TJAP1: variants seen among roughly 807,000 people sequenced by gnomAD.
TJAP1 encodes tight junction-associated protein 1.
In TJAP1, 27 loss-of-function variants were observed where a neutral mutation model predicts 42.0. That is an observed-to-expected ratio of 0.64 (90% CI 0.47 to 0.89). TJAP1 has a LOEUF of 0.89. TJAP1 is among the 40% of genes least tolerant of loss of function. TJAP1 has a pLI of 0.00. For synonymous variants in TJAP1, 257 were observed against 288.4 expected, an observed-to-expected ratio of 0.89 and a Z score of 1.10; for missense variants, 712 against 726.9, an observed-to-expected ratio of 0.98 and a Z score of 0.24.
At chr6:43,504,912 T>C (rs1791923696) in exon 11 of TJAP1, 10 of 1,613,998 alleles carry the variant, frequency 6.2e-6, no homozygotes, top group Non-Finnish European at 8.5e-6. Flanking sequence ...TCTCTACTGC[T>C]CAATTCAGCC....
chr6:43,500,852 G>A, intron 5 of TJAP1, 80 bp downstream of exon 5: 2 of 1,544,532 alleles, frequency 1.3e-6, no homozygotes, highest in Non-Finnish European at 9.0e-7. Context: ...GGTACAGTTG[G>A]ACTTTCCCTT....
intron 1 of TJAP1, 145 bp from the exon 2 acceptor site, chr6:43,477,942 G>A (rs1784552628): frequency 6.5e-6 from 1 of 152,674 alleles, no homozygotes; most frequent in Non-Finnish European, 1.5e-5. Flanking sequence ...CCTGGAGCGT[G>A]GGATAGAGGC....
intron 5 of TJAP1, 63 bp from the exon 6 acceptor site, chr6:43,501,463 C>T (rs1046831408): frequency 4.7e-6 from 7 of 1,486,514 alleles, no homozygotes; most frequent in Non-Finnish European, 6.4e-6. Flanking sequence ...CACTCTGGAG[C>T]TCCAGGGCAT....
chr6:43,505,317 CT>C lies in TJAP1; in HGVS notation c.1137del (p.Ala380ProfsTer16). 6.2e-7 allele frequency: 1 copy of C among 1,610,412 alleles called. No homozygotes were observed. The highest frequency in any genetic ancestry group is 8.5e-7 in the Non-Finnish European group (1 of 1,179,628). The stretch of plus-strand genomic sequence containing the variant: ...CGCCCCAGCCCAGTGCCCAGCACCC[CT>C]GCCTCAGCCCAGGCCTCACCCCACC... On this transcript the variant is annotated frameshift_variant, in exon 11 of 11. Coordinates refer to ENST00000372449, the Ensembl canonical transcript of TJAP1. LOFTEE classifies it low-confidence loss of function (END_TRUNC). This position sits in a 1 kb window ranked among gnomAD's most constrained non-coding sequence, Gnocchi z 5.5.
rs752379266 is a variant in TJAP1, at chr6:43,491,053, CAG to C, written c.-121-6827_-121-6826del. ...GCAGTGTGGTGCTAGGGAGGCTGGACAGGGGGAGCTTGAGAACAGAAGGCTGC... is the reference window on the plus strand; with the variant it reads ...GCAGTGTGGTGCTAGGGAGGCTGGACGGGGAGCTTGAGAACAGAAGGCTGC... On this transcript the variant is annotated intron_variant, in intron 2 of 10. Coordinates refer to ENST00000372449, the Ensembl canonical transcript of TJAP1. This position sits in a 1 kb window ranked among gnomAD's most constrained non-coding sequence, Gnocchi z 4.6. 1.1e-4 allele frequency among the ~76,000 whole-genome samples: 16 copies of C among 152,258 alleles called. No homozygotes were observed. The highest frequency in any genetic ancestry group is 1.3e-4 in the Admixed American group (2 of 15,294).
At chr6:43,500,668 G>C in intron 4 of TJAP1, 76 bp from the exon 5 acceptor site, 7 of 1,556,710 alleles carry the variant, frequency 4.5e-6, no homozygotes, top group Admixed American at 1.7e-5. Flanking sequence ...GAGCCTTCTT[G>C]TGGCTATTTG....
At position 43,505,222 on chromosome 6, in the gene TJAP1, G is replaced by A. The variant is rs753742718; in HGVS notation, c.1041G>A (p.Leu347=). The A allele has an allele frequency of 3.1e-6, 5 of 1,614,062 alleles. No homozygotes were observed. Among genetic ancestry groups the A allele is most frequent in the Non-Finnish European group, 4.2e-6 (5 of 1,180,010 alleles). ...TTCGGATCCCCCGCAACAGCCCCCT[G>A]CCCAACTGCACTTACGCTACCCGCC... Residue 347 remains leucine (L), a synonymous_variant, in exon 11 of 11, where the codon CTG becomes CTA. Transcript: ENST00000372449. The surrounding 1 kb of genome is among the most constrained non-coding windows in gnomAD (Gnocchi z 5.5).
intron 4 of TJAP1, 79 bp downstream of exon 4, chr6:43,499,179 T>C: frequency 6.4e-7 from 1 of 1,573,384 alleles, no homozygotes; most frequent in Admixed American, 1.8e-5. Flanking sequence ...TTCTCCTGCC[T>C]GAGCTTCTGG....
At chr6:43,500,699 T>A (rs1426845836) in intron 4 of TJAP1, 45 bp from the exon 5 acceptor site, 1 of 1,613,334 alleles carries the variant, frequency 6.2e-7, no homozygotes, top group Admixed American at 1.7e-5. Context: ...CAGCCGGGGG[T>A]CCAGTGGTCC....
At chr6:43,499,922 C>G (rs916532839) in intron 4 of TJAP1, among the ~76,000 whole-genome samples, 6 of 152,210 alleles carry the variant, frequency 3.9e-5, no homozygotes, top group African/African-American at 1.4e-4. Context: ...AGCATTACCT[C>G]AGTTTTATAA....
Position 43,505,484 on chromosome 6 carries a change from G to C in TJAP1, c.1303G>C (p.Gly435Arg). The C allele has an allele frequency of 1.2e-6, 2 of 1,613,716 alleles. No homozygotes were observed. The highest frequency in any genetic ancestry group is 1.7e-6 in the Non-Finnish European group (2 of 1,180,036). ...TGCTGTGGCCCAGCGCACAGCCTTT[G>C]GACGCGATGCCCTCCCTGAGCTGCA... The change falls in exon 11 of 11, where the codon GGA becomes CGA. Residue 435 changes from glycine to arginine, a missense_variant. Transcript: ENST00000372449. This position sits in a 1 kb window ranked among gnomAD's most constrained non-coding sequence, Gnocchi z 5.5.
chr6:43,502,047 G>GAC (rs563635573), intron 6 of TJAP1, among the ~76,000 whole-genome samples: 2,522 of 22,208 alleles, frequency 0.11, 334 homozygotes, highest in South Asian at 0.16. Context: ...GGAATGCGGG[G>GAC]ACACACACAC....
At chr6:43,481,425 C>T (rs1004770009) in intron 2 of TJAP1, among the ~76,000 whole-genome samples, 2 of 150,818 alleles carry the variant, frequency 1.3e-5, no homozygotes, top group African/African-American at 2.4e-5. Context: ...GTTGATTAGC[C>T]GTAGTAAATA....
At chr6:43,487,169 A>G (rs1044035900) in intron 2 of TJAP1, among the ~76,000 whole-genome samples, 5 of 152,160 alleles carry the variant, frequency 3.3e-5, no homozygotes, top group Non-Finnish European at 7.3e-5. Flanking sequence ...TTTAGAATTT[A>G]TAAAGGACAT....
rs879112032 is a variant in TJAP1, at chr6:43,500,568, C to T, written c.100-176C>T. On this transcript the variant is annotated intron_variant, in intron 4 of 10. Coordinates refer to ENST00000372449, the Ensembl canonical transcript of TJAP1. Reference sequence around the variant, plus strand: ...TCTGGTTGGCATGGGAGAGGGTAGTCGAGGCTTGTCCCAGCATTACTGAAT... The same window carrying T: ...TCTGGTTGGCATGGGAGAGGGTAGTTGAGGCTTGTCCCAGCATTACTGAAT... 173 of 633,514 alleles carry T rather than the reference C, an allele frequency of 2.7e-4. 1 individual carries two copies. Among genetic ancestry groups the T allele is most frequent in the South Asian group, 4.7e-4 (24 of 51,176 alleles). The allele number at this position is 633,514 out of a possible 1,614,324, so 39.2% of individuals were successfully genotyped here. A position where few individuals can be genotyped will look rare whatever the true frequency, so the allele number is the denominator to read the frequency against.
intron 2 of TJAP1, chr6:43,497,633 C>T (rs763143149): frequency 2.0e-5 from 3 of 152,264 alleles, no homozygotes; most frequent in Non-Finnish European, 4.4e-5. Flanking sequence ...TGTGCTGAGA[C>T]CATGAACACA....
chr6:43,502,759 G>C (rs1791251914), intron 8 of TJAP1, 142 bp downstream of exon 8: 2 of 933,522 alleles, frequency 2.1e-6, no homozygotes, highest in Non-Finnish European at 3.4e-6. Context: ...CCGTTTAACT[G>C]TCAATGCCTC....
rs111805946 is a variant in TJAP1 at position 43,489,246 on chromosome 6, C to T, written c.-121-8635C>T. 4.0e-4 allele frequency among the ~76,000 whole-genome samples: 61 copies of T among 152,316 alleles called. 1 individual carries two copies. Among genetic ancestry groups the T allele is most frequent in the Middle Eastern group, 3.4e-3 (1 of 294 alleles). On this transcript the variant is annotated intron_variant, in intron 2 of 10. Coordinates refer to ENST00000372449, the Ensembl canonical transcript of TJAP1. ...GGCTTCATGGAAGAGTTGTTTCTGC[C>T]GTTGATGGGAGAGCTTCTTGCTCTG...
intron 8 of TJAP1, 56 bp from the exon 9 acceptor site, chr6:43,503,345 G>C: frequency 7.2e-7 from 1 of 1,385,718 alleles, no homozygotes; most frequent in Non-Finnish European, 1.0e-6. Context: ...GGAGGTGGAG[G>C]GAGAGGAAGG....
Sources: gnomAD v4.1 joint callset for allele counts (sites outside exome capture counted in the v4.1 genomes callset) on GRCh38, gnomAD v4.1.1 for gene constraint, Gnocchi (gnomAD v3.1) non-coding constraint, MANE v1.5 for transcripts, NCBI Gene and HGNC (gene_info 2026-07-23, HGNC 2026-07-21) for gene names.